DARS1: variants seen among roughly 807,000 people sequenced by gnomAD.
The protein encoded by DARS1 is aspartyl-tRNA synthetase 1.
DARS1 carries 51 observed loss-of-function variants against 68.8 expected under a neutral mutation model. The observed-to-expected ratio is 0.74, with a 90% CI of 0.59 to 0.94. DARS1 has a LOEUF of 0.94. Among genes scored for constraint, DARS1 ranks in the 40% least tolerant of loss-of-function variants. The pLI, the probability that DARS1 is intolerant of heterozygous loss-of-function variation, is 0.00. For missense variants in DARS1, 607 were observed against 597.3 expected, an observed-to-expected ratio of 1.02 and a Z score of -0.17; for synonymous variants, 203 against 190.4, an observed-to-expected ratio of 1.07 and a Z score of -0.55.
intron 3 of DARS1, among the ~76,000 whole-genome samples, chr2:135,978,309 C>T (rs1682547744): frequency 6.6e-6 from 1 of 152,018 alleles, no homozygotes; most frequent in Non-Finnish European, 1.5e-5. Context: ...ATGCTATTAT[C>T]ATGGGACATA....
At chr2:135,965,740 T>C (rs1682218135) in intron 3 of DARS1, among the ~76,000 whole-genome samples, 1 of 152,182 alleles carries the variant, frequency 6.6e-6, no homozygotes, top group Non-Finnish European at 1.5e-5. Flanking sequence ...GAATATATGT[T>C]AAGGAAATTG....
chr2:135,935,495 G>C (rs780834330), intron 5 of DARS1, among the ~76,000 whole-genome samples: 19 of 152,102 alleles, frequency 1.2e-4, no homozygotes, highest in South Asian at 2.1e-4. Context: ...AGCTACTCGG[G>C]AGGCTGAGGC....
intron 7 of DARS1, among the ~76,000 whole-genome samples, chr2:135,931,333 C>A (rs962646178): frequency 6.6e-6 from 1 of 152,098 alleles, no homozygotes; most frequent in Non-Finnish European, 1.5e-5. Flanking sequence ...ACCTCCTGGG[C>A]TCAAGCAATC....
intron 4 of DARS1, among the ~76,000 whole-genome samples, chr2:135,957,771 C>T (rs1302055985): frequency 6.6e-6 from 1 of 152,084 alleles, no homozygotes; most frequent in South Asian, 2.1e-4. Flanking sequence ...TGTCAGCAAA[C>T]CCCATTAATC....
chr2:135,943,178 T>G, intron 5 of DARS1, 200 bp downstream of exon 5: 1 of 689,482 alleles, frequency 1.5e-6, no homozygotes, highest in Middle Eastern at 4.5e-4. Flanking sequence ...ATCACAGAAT[T>G]GTAAGCAAAT....
At chr2:135,924,166 A>G (rs897159293) in intron 8 of DARS1, among the ~76,000 whole-genome samples, 41 of 152,234 alleles carry the variant, frequency 2.7e-4, no homozygotes, top group African/African-American at 9.9e-4. Context: ...CTCACATTAC[A>G]ATCATTATCA....
At chr2:135,930,427 T>G (rs1681316511) in intron 7 of DARS1, among the ~76,000 whole-genome samples, 1 of 152,074 alleles carries the variant, frequency 6.6e-6, no homozygotes, top group East Asian at 1.9e-4. Flanking sequence ...TGAAACCAAG[T>G]GGCAAAAAAG....
rs777212839 is a variant in DARS1 at position 135,920,442 on chromosome 2, A to G, written c.959+11T>C. 6.2e-7 allele frequency: 1 copy of G among 1,609,244 alleles called. No individual in the cohort carries two copies. Among genetic ancestry groups the G allele is most frequent in the Admixed American group, 1.7e-5 (1 of 59,060 alleles). On this transcript the variant is annotated intron_variant, in intron 10 of 15. Transcript: ENST00000264161. Reference sequence around the variant, plus strand: ...AATTAAGTCCATCTAGGTGCATAAAATACTTTTTACCTTTCTTGAAGTCCT... The same window carrying G: ...AATTAAGTCCATCTAGGTGCATAAAGTACTTTTTACCTTTCTTGAAGTCCT...
At chr2:135,925,068 A>G (rs1681184808) in intron 7 of DARS1, among the ~76,000 whole-genome samples, 1 of 152,032 alleles carries the variant, frequency 6.6e-6, no homozygotes, top group Non-Finnish European at 1.5e-5. Flanking sequence ...AAACAATAGT[A>G]GCGCTCCAAC....
intron 4 of DARS1, among the ~76,000 whole-genome samples, chr2:135,957,355 G>C (rs969781724): frequency 1.3e-5 from 2 of 151,948 alleles, no homozygotes; most frequent in African/African-American, 2.4e-5. Flanking sequence ...AGCCTCCCGA[G>C]TAGCTGGGAC....
At chr2:135,984,824 G>C (rs902802797) in intron 1 of DARS1, among the ~76,000 whole-genome samples, 1 of 152,034 alleles carries the variant, frequency 6.6e-6, no homozygotes, top group Non-Finnish European at 1.5e-5. Context: ...AATTATCCAC[G>C]TGATTTGGGG....
chr2:135,972,276 C>T (rs1280337183), intron 3 of DARS1, among the ~76,000 whole-genome samples: 2 of 151,296 alleles, frequency 1.3e-5, no homozygotes, highest in East Asian at 1.9e-4. Flanking sequence ...GAAGCAGATC[C>T]ACACATCTAC....
rs1457384441 is a variant in DARS1, at chr2:135,952,307, T to C, written c.321-8827A>G. Reference sequence around the variant, plus strand: ...TTTTAAATTGACACATAATTGTACATATTTATGAGGTACAGTGTGATGTCT... The same window carrying C: ...TTTTAAATTGACACATAATTGTACACATTTATGAGGTACAGTGTGATGTCT... On this transcript the variant is annotated intron_variant, in intron 4 of 15. Transcript: ENST00000264161. Among the ~76,000 whole-genome samples, 5 of 152,204 alleles carry C rather than the reference T, an allele frequency of 3.3e-5. No homozygotes were observed. The East Asian group carries it at 9.6e-4, about 29-fold the overall frequency.
chr2:135,979,478 A>C, intron 2 of DARS1, 112 bp from the exon 3 acceptor site: 4 of 634,576 alleles, frequency 6.3e-6, no homozygotes, highest in Non-Finnish European at 1.1e-5. Context: ...AACCATCCTG[A>C]ATAATTCTCA....
intron 4 of DARS1, among the ~76,000 whole-genome samples, chr2:135,946,454 AACTC>A (rs1419832384): frequency 6.6e-6 from 1 of 152,174 alleles, no homozygotes; most frequent in African/African-American, 2.4e-5. Flanking sequence ...CTATTGGAAA[AACTC>A]AAATTCATTC....
chr2:135,908,068 A>G (rs1415002849), intron 15 of DARS1, among the ~76,000 whole-genome samples: 2 of 152,248 alleles, frequency 1.3e-5, no homozygotes, highest in Non-Finnish European at 2.9e-5. Flanking sequence ...ATCCGGACTC[A>G]TATTAAAAAA....
At chr2:135,965,526 C>T (rs1334419788) in intron 3 of DARS1, among the ~76,000 whole-genome samples, 1 of 152,088 alleles carries the variant, frequency 6.6e-6, no homozygotes, top group Non-Finnish European at 1.5e-5. Context: ...GATTATTTAC[C>T]TCTCAAATGA....
intron 7 of DARS1, among the ~76,000 whole-genome samples, chr2:135,926,046 A>G (rs1279066582): frequency 6.6e-6 from 1 of 152,138 alleles, no homozygotes; most frequent in African/African-American, 2.4e-5. Context: ...GCCCGTCACC[A>G]TGCCCAGCTA....
At chr2:135,965,155 C>T (rs1045378502) in intron 3 of DARS1, among the ~76,000 whole-genome samples, 3 of 151,956 alleles carry the variant, frequency 2.0e-5, no homozygotes, top group Non-Finnish European at 4.4e-5. Flanking sequence ...TTTAAACAAA[C>T]ACCCCAACGA....
Sources: gnomAD v4.1 joint callset for allele counts (sites outside exome capture counted in the v4.1 genomes callset) on GRCh38, gnomAD v4.1.1 for gene constraint, MANE v1.5 for transcripts, NCBI Gene and HGNC (gene_info 2026-07-23, HGNC 2026-07-21) for gene names.